SORCS3: variants seen among roughly 807,000 people sequenced by gnomAD.
The protein encoded by SORCS3 is sortilin related VPS10 domain containing receptor 3.
In SORCS3, 57 loss-of-function variants were observed where a neutral mutation model predicts 146.3. That is an observed-to-expected ratio of 0.39 (90% CI 0.31 to 0.49). The LOEUF (loss-of-function observed/expected upper bound fraction) is 0.49. Among genes scored for constraint, SORCS3 ranks in the 20% least tolerant of loss-of-function variants. The pLI is 0.92. For missense variants in SORCS3, 1,341 were observed against 1,575.5 expected (o/e 0.85, Z 2.52); for synonymous variants, 653 against 618.5 (o/e 1.06, Z -0.83).
At chr10:105,194,220 A>G (rs920265707) in intron 14 of SORCS3, among the ~76,000 whole-genome samples, 1 of 152,188 alleles carries the variant, frequency 6.6e-6, no homozygotes, top group African/African-American at 2.4e-5. Flanking sequence ...AAATAAAAAA[A>G]GAAAGTCCCA....
intron 9 of SORCS3, among the ~76,000 whole-genome samples, chr10:105,155,016 C>T (rs1009563875): frequency 1.3e-5 from 2 of 152,132 alleles, no homozygotes; most frequent in Admixed American, 6.5e-5. Flanking sequence ...GAGATTGCTG[C>T]GGCATTATGT....
intron 2 of SORCS3, among the ~76,000 whole-genome samples, chr10:104,882,126 T>C (rs189113685): frequency 2.0e-5 from 3 of 152,286 alleles, no homozygotes; most frequent in Admixed American, 1.3e-4. Context: ...ACCCCAGTTT[T>C]CTAGAGTAAA....
rs117198433 is a variant in SORCS3 at position 104,818,886 on chromosome 10, G to A, written c.628-23906G>A. On this transcript the variant is annotated intron_variant, in intron 1 of 26. Transcript: ENST00000369701. ...CTAGCTAAGTACGGCATGCATGACC[G>A]TGTGGGACTTTTTGTTTTTTCTGCT... 9.9e-3 allele frequency among the ~76,000 whole-genome samples: 1,513 copies of A among 152,228 alleles called. 13 individuals carry two copies. Among genetic ancestry groups the A allele is most frequent in the Non-Finnish European group, 0.014 (952 of 68,024 alleles).
At chr10:104,967,204 T>A (rs2054830733) in intron 3 of SORCS3, among the ~76,000 whole-genome samples, 1 of 152,188 alleles carries the variant, frequency 6.6e-6, no homozygotes, top group Non-Finnish European at 1.5e-5. Context: ...GACAATTATC[T>A]ACCAATTGGT....
intron 1 of SORCS3, among the ~76,000 whole-genome samples, chr10:104,770,340 G>A (rs2017233734): frequency 6.6e-6 from 1 of 152,210 alleles, no homozygotes; most frequent in East Asian, 1.9e-4. Flanking sequence ...ATTGAGTGTG[G>A]GACTTTTGTG....
At chr10:105,241,042 T>C (rs1473187621) in intron 20 of SORCS3, among the ~76,000 whole-genome samples, 2 of 152,104 alleles carry the variant, frequency 1.3e-5, no homozygotes, top group Non-Finnish European at 2.9e-5. Flanking sequence ...CTGTTTCCTA[T>C]TTTGGGCTGC....
intron 1 of SORCS3, among the ~76,000 whole-genome samples, chr10:104,806,607 A>T (rs1357207109): frequency 1.3e-5 from 2 of 152,354 alleles, no homozygotes; most frequent in East Asian, 3.9e-4. Context: ...ATTAAAAGGG[A>T]AATAACGTAA....
chr10:104,874,273 A>G (rs1199498532), intron 2 of SORCS3, among the ~76,000 whole-genome samples: 7 of 152,102 alleles, frequency 4.6e-5, no homozygotes, highest in African/African-American at 1.4e-4. Flanking sequence ...TGCCATTTGG[A>G]TCTGCCAATA....
At chr10:105,200,704 A>G (rs2056569459) in intron 15 of SORCS3, among the ~76,000 whole-genome samples, 1 of 152,196 alleles carries the variant, frequency 6.6e-6, no homozygotes, top group Admixed American at 6.5e-5. Flanking sequence ...GAGAAGGAAC[A>G]TTTTGGGTCA....
rs1215436232 is a variant in SORCS3 at position 105,196,004 on chromosome 10, T to C, written c.2010-3995T>C. On this transcript the variant is annotated intron_variant, in intron 14 of 26. Transcript: ENST00000369701. ...AAATCTGGGAAAGAAGCCAAAGAAATGCACATGAAAGGAATGTACCTGTGA... is the reference window on the plus strand; with the variant it reads ...AAATCTGGGAAAGAAGCCAAAGAAACGCACATGAAAGGAATGTACCTGTGA... 1.1e-4 allele frequency among the ~76,000 whole-genome samples: 17 copies of C among 151,940 alleles called. No homozygotes were observed. The East Asian group carries it at 3.3e-3, about 29-fold the overall frequency.
At chr10:104,933,817 T>C (rs934527051) in intron 3 of SORCS3, among the ~76,000 whole-genome samples, 1 of 152,158 alleles carries the variant, frequency 6.6e-6, no homozygotes, top group Non-Finnish European at 1.5e-5. Context: ...TTCCTTCCTT[T>C]TTTGTCTTAC....
At chr10:104,796,564 A>G (rs1031555169) in intron 1 of SORCS3, among the ~76,000 whole-genome samples, 3 of 152,066 alleles carry the variant, frequency 2.0e-5, no homozygotes, top group African/African-American at 7.2e-5. Context: ...ATTACTCTGC[A>G]TTTATGGCAG....
rs2056565237 is a variant in SORCS3, at chr10:105,200,028, A to T, written c.2039A>T (p.Glu680Val). Residue 680 changes from glutamate (E) to valine (V), a missense_variant, in exon 15 of 27, where the codon GAA becomes GTA. Physicochemically the swap from Glu to Val is moderately radical, Grantham distance 121 (BLOSUM62 -2). Coordinates refer to ENST00000369701, the MANE Select transcript of SORCS3 (RefSeq NM_014978.3). The part of the protein sequence containing the change: ...TVFGHFSLRS[E>V]WQLVKVDYKS... ...TTTGGCCACTTCAGCCTCCGCTCCG[A>T]ATGGCAATTGGTGAAAGTGGACTAC... The T allele has an allele frequency of 6.2e-7, 1 of 1,613,490 alleles. No individual in the cohort carries two copies. Among genetic ancestry groups the T allele is most frequent in the African/African-American group, 1.3e-5 (1 of 74,846 alleles).
At chr10:105,180,575 A>G (rs539824735) in intron 14 of SORCS3, among the ~76,000 whole-genome samples, 1 of 152,340 alleles carries the variant, frequency 6.6e-6, no homozygotes, top group East Asian at 1.9e-4. Context: ...TATTTTTGAA[A>G]TTAAAAAATC....
intron 3 of SORCS3, among the ~76,000 whole-genome samples, chr10:104,960,311 T>C (rs1205389831): frequency 6.6e-6 from 1 of 152,148 alleles, no homozygotes; most frequent in Admixed American, 6.5e-5. Flanking sequence ...TCCCCAGATA[T>C]CTAGGTTTAG....
chr10:105,209,349 G>A (rs1180938027), intron 16 of SORCS3, among the ~76,000 whole-genome samples: 1 of 151,948 alleles, frequency 6.6e-6, no homozygotes, highest in African/African-American at 2.4e-5. Context: ...CACCATGTTG[G>A]CCAGGCTGGT....
chr10:105,007,518 A>G (rs900119550), intron 4 of SORCS3, among the ~76,000 whole-genome samples: 2 of 152,140 alleles, frequency 1.3e-5, no homozygotes, highest in Non-Finnish European at 2.9e-5. Context: ...AGCAGAAGTA[A>G]CTTTTCCAAG....
chr10:104,958,711 CAGTAATTTATAAATTACTG>C (rs1003833423), intron 3 of SORCS3, among the ~76,000 whole-genome samples: 13 of 152,212 alleles, frequency 8.5e-5, no homozygotes, highest in Admixed American at 1.3e-4. Context: ...AAAAAACTAC[CAGTAATTTATAAATTACTG>C]AGTAATTTAT....
At position 104,641,574 on chromosome 10, in the gene SORCS3, C is replaced by A; in HGVS notation, c.247C>A (p.Arg83Ser). ...GGCGCGGAGAGCCGCCGTGCTGGGG[C>A]GCCGGGCCGGACCAGAGCTGCTGCC... Reference protein sequence around the residue: ...ASARRAAVLGRRAGPELLPQQ... With the variant: ...ASARRAAVLGSRAGPELLPQQ... The change falls in exon 1 of 27, where the codon CGC becomes AGC. Residue 83 changes from arginine to serine, a missense_variant. Arg to Ser is a moderately radical substitution (Grantham distance 110). Coordinates refer to ENST00000369701, the MANE Select transcript of SORCS3 (RefSeq NM_014978.3). This position sits in a 1 kb window ranked among gnomAD's most constrained non-coding sequence, Gnocchi z 6.4. 1 of 1,476,414 alleles carries A rather than the reference C, an allele frequency of 6.8e-7. No homozygotes were observed. The highest frequency in any genetic ancestry group is 8.9e-7 in the Non-Finnish European group (1 of 1,123,948). 91.5% of individuals were successfully genotyped at this position (1,476,414 alleles called of 1,614,324 possible).
Sources: gnomAD v4.1 joint callset for allele counts (sites outside exome capture counted in the v4.1 genomes callset) on GRCh38, gnomAD v4.1.1 for gene constraint, Gnocchi (gnomAD v3.1) non-coding constraint, MANE v1.5 for transcripts, NCBI Gene and HGNC (gene_info 2026-07-23, HGNC 2026-07-21) for gene names.